Variants in PLEKHF2 observed in about 807,000 individuals in gnomAD.
PLEKHF2 encodes pleckstrin homology and FYVE domain containing 2, also known as pleckstrin homology domain-containing family F member 2.
PLEKHF2 carries 4 observed loss-of-function variants against 14.7 expected under a neutral mutation model. The observed-to-expected ratio is 0.27, with a 90% confidence interval of 0.13 to 0.62. The LOEUF is 0.62. Ranked by LOEUF, PLEKHF2 falls within the 20% of genes least tolerant of loss-of-function variation. PLEKHF2 has a pLI of 0.85. For missense variants in PLEKHF2, 201 were observed against 307.7 expected, an observed-to-expected ratio of 0.65 and a Z score of 2.60; for synonymous variants, 90 against 103.5, an observed-to-expected ratio of 0.87 and a Z score of 0.79.
chr8:95,143,486 C>A (rs1388217738), intron 1 of PLEKHF2, among the ~76,000 whole-genome samples: 1 of 152,112 alleles, frequency 6.6e-6, no homozygotes, highest in East Asian at 1.9e-4. Context: ...ACTATAAGTG[C>A]TATAAAGTGG....
chr8:95,145,585 G>A (rs1810491006), intron 1 of PLEKHF2, among the ~76,000 whole-genome samples: 1 of 151,914 alleles, frequency 6.6e-6, no homozygotes, highest in East Asian at 1.9e-4. Context: ...CACCACGCCT[G>A]GCTAATTTTT....
intron 1 of PLEKHF2, among the ~76,000 whole-genome samples, chr8:95,145,434 A>G (rs1466324312): frequency 6.6e-6 from 1 of 151,854 alleles, no homozygotes; most frequent in African/African-American, 2.4e-5. Context: ...AAATTTTGAA[A>G]TATTTCTTTT....
intron 1 of PLEKHF2, among the ~76,000 whole-genome samples, chr8:95,141,534 T>G (rs574220928): frequency 6.6e-6 from 1 of 152,266 alleles, no homozygotes; most frequent in South Asian, 2.1e-4. Context: ...GTAACTTTTT[T>G]TTTTCTTTTG....
chr8:95,143,093 C>CTTTTTTTTTTTTTT (rs35086823), intron 1 of PLEKHF2, among the ~76,000 whole-genome samples: 2 of 141,042 alleles, frequency 1.4e-5, no homozygotes, highest in African/African-American at 5.3e-5. Flanking sequence ...AGGAAATAAT[C>CTTTTTTTTTTTTTT]TTTTTTTTTT....
intron 1 of PLEKHF2, among the ~76,000 whole-genome samples, chr8:95,136,270 T>A (rs2132103525): frequency 6.6e-6 from 1 of 152,216 alleles, no homozygotes; most frequent in African/African-American, 2.4e-5. Context: ...ATCTTCTTTG[T>A]AGTCTTTTTC....
chr8:95,141,283 T>A, intron 1 of PLEKHF2, among the ~76,000 whole-genome samples: 1 of 152,234 alleles, frequency 6.6e-6, no homozygotes, highest in Non-Finnish European at 1.5e-5. Context: ...CTTCAGACTC[T>A]TCATCAACTT....
chr8:95,151,899 T>C (rs1262331128), intron 1 of PLEKHF2, among the ~76,000 whole-genome samples: 1 of 152,128 alleles, frequency 6.6e-6, no homozygotes, highest in Non-Finnish European at 1.5e-5. Flanking sequence ...GTTGTGTGTG[T>C]GCTTACAGAT....
chr8:95,140,231 A>G (rs938870627), intron 1 of PLEKHF2, among the ~76,000 whole-genome samples: 4 of 152,240 alleles, frequency 2.6e-5, no homozygotes, highest in Non-Finnish European at 5.9e-5. Context: ...AAGTCATCTT[A>G]CAGTCCTTTT....
At chr8:95,137,565 A>G (rs928148372) in intron 1 of PLEKHF2, among the ~76,000 whole-genome samples, 6 of 152,206 alleles carry the variant, frequency 3.9e-5, no homozygotes, top group African/African-American at 1.4e-4. Context: ...TCAATTTCCC[A>G]TCTCCTTTCT....
chr8:95,135,922 G>C (rs775486740), intron 1 of PLEKHF2, among the ~76,000 whole-genome samples: 5 of 152,072 alleles, frequency 3.3e-5, no homozygotes, highest in Non-Finnish European at 7.4e-5. Context: ...TGATTTACAG[G>C]TGATCCTTGT....
Position 95,154,587 on chromosome 8 carries a change from T to G in PLEKHF2, c.543T>G (p.Val181=). ...RRHHCRKCGF[V]VCGPCSEKRF... ...ACCATTGCCGCAAATGTGGTTTTGT[T>G]GTCTGTGGGCCCTGCTCTGAAAAGA... The change falls in exon 2 of 2, where the codon GTT becomes GTG. Residue 181 remains valine (V), a synonymous_variant. Transcript: ENST00000315367. This position sits in a 1 kb window ranked among gnomAD's most constrained non-coding sequence, Gnocchi z 5.6. The G allele has an allele frequency of 6.2e-7, 1 of 1,614,122 alleles. No individual in the cohort carries two copies. The highest frequency in any genetic ancestry group is 1.3e-5 in the African/African-American group (1 of 75,018).
At chr8:95,134,913 C>T (rs545207484) in intron 1 of PLEKHF2, among the ~76,000 whole-genome samples, 60 of 152,324 alleles carry the variant, frequency 3.9e-4, no homozygotes, top group African/African-American at 1.3e-3. Context: ...GGCATGTGTT[C>T]TCTTAAGAAT....
chr8:95,153,078 T>A (rs1479365579), intron 1 of PLEKHF2, among the ~76,000 whole-genome samples: 2 of 152,192 alleles, frequency 1.3e-5, no homozygotes, highest in Non-Finnish European at 2.9e-5. Flanking sequence ...TCAAACCGTA[T>A]CAGTTTCAAA....
At position 95,154,704 on chromosome 8, in the gene PLEKHF2, G is replaced by T; in HGVS notation, c.660G>T (p.Gln220His). The T allele has an allele frequency of 1.2e-6, 2 of 1,614,178 alleles. No homozygotes were observed. Among genetic ancestry groups the T allele is most frequent in the African/African-American group, 2.7e-5 (2 of 75,062 alleles). ...CTGCTGGGGACATGGCCACATGCCA[G>T]CCTGCTAGATCAGACTCTTACAGCC... Reference protein sequence around the residue: ...LLSAGDMATCQPARSDSYSQS... With the variant: ...LLSAGDMATCHPARSDSYSQS... Residue 220 changes from glutamine to histidine, a missense_variant, in exon 2 of 2, where the codon CAG becomes CAT. Physicochemically the swap from Gln to His is conservative, Grantham distance 24. Transcript: ENST00000315367. The surrounding 1 kb of genome is among the most constrained non-coding windows in gnomAD (Gnocchi z 5.6).
intron 1 of PLEKHF2, among the ~76,000 whole-genome samples, chr8:95,134,808 G>A (rs1810357960): frequency 6.6e-6 from 1 of 152,132 alleles, no homozygotes; most frequent in South Asian, 2.1e-4. Flanking sequence ...CACAAAACGC[G>A]TTGTTGATAA....
At position 95,137,281 on chromosome 8, in the gene PLEKHF2, C is replaced by T. The variant is rs545477175; in HGVS notation, c.-15+3251C>T. On this transcript the variant is annotated intron_variant, in intron 1 of 1. Transcript: ENST00000315367. Reference sequence around the variant, plus strand: ...AATACGATAGTAGCTATTATTTTAACAAATGAACAGAGTGGCAGTGAATTA... The same window carrying T: ...AATACGATAGTAGCTATTATTTTAATAAATGAACAGAGTGGCAGTGAATTA... Among the ~76,000 whole-genome samples the T allele has an allele frequency of 2.6e-5, 4 of 152,300 alleles. No homozygotes were observed. The South Asian group carries it at 6.2e-4, about 24-fold the overall frequency.
chr8:95,148,510 G>A (rs1810525006), intron 1 of PLEKHF2, among the ~76,000 whole-genome samples: 1 of 151,986 alleles, frequency 6.6e-6, no homozygotes, highest in South Asian at 2.1e-4. Context: ...ACAGATTAAT[G>A]GATTAAAGCA....
intron 1 of PLEKHF2, among the ~76,000 whole-genome samples, chr8:95,148,355 A>G (rs180790227): frequency 1.3e-3 from 201 of 152,148 alleles, no homozygotes; most frequent in Non-Finnish European, 2.4e-3. Context: ...TGTGATTCCA[A>G]TGTGAAGCTA....
chr8:95,151,509 T>TCCTGA lies in PLEKHF2; in HGVS notation c.-14-2519_-14-2515dup, dbSNP rs545412385. Among the ~76,000 whole-genome samples, 26 of 152,040 alleles carry TCCTGA rather than the reference T, an allele frequency of 1.7e-4. No homozygotes were observed. The East Asian group carries it at 5.0e-3, about 29-fold the overall frequency. On this transcript the variant is annotated intron_variant, in intron 1 of 1. Transcript: ENST00000315367. Reference sequence around the variant, plus strand: ...AATGACAACATTGTAGAAAGGCCTTTCCTGACCATGTAGTCTGAATAGCTC... The same window carrying TCCTGA: ...AATGACAACATTGTAGAAAGGCCTTTCCTGACCTGACCATGTAGTCTGAATAGCTC...
Sources: gnomAD v4.1 joint callset for allele counts (sites outside exome capture counted in the v4.1 genomes callset) on GRCh38, gnomAD v4.1.1 for gene constraint, Gnocchi (gnomAD v3.1) non-coding constraint, MANE v1.5 for transcripts, NCBI Gene and HGNC (gene_info 2026-07-23, HGNC 2026-07-21) for gene names.